Variants in GSN observed in about 807,000 individuals in gnomAD.
GSN encodes the protein actin-depolymerizing factor.
GSN carries 56 observed loss-of-function variants against 85.7 expected under a neutral mutation model. That is an observed-to-expected ratio of 0.65 (90% CI 0.53 to 0.82). The LOEUF is 0.82. Ranked by LOEUF, GSN falls within the 40% of genes least tolerant of loss-of-function variation. The pLI is 0.00. For missense variants in GSN, 857 were observed against 979.8 expected, an observed-to-expected ratio of 0.87 and a Z score of 1.67; for synonymous variants, 373 against 399.1, an observed-to-expected ratio of 0.93 and a Z score of 0.78.
chr9:121,312,551 C>A, intron 6 of GSN, 63 bp downstream of exon 6: 1 of 1,345,584 alleles, frequency 7.4e-7, no homozygotes, highest in Non-Finnish European at 1.0e-6. Flanking sequence ...TTCTTCTGTT[C>A]AGTAGGCAAT....
chr9:121,318,774 A>T lies in GSN; in HGVS notation c.1085A>T (p.His362Leu), dbSNP rs1032894158. Residue 362 changes from histidine to leucine, a missense_variant, in exon 10 of 18, where the codon CAT becomes CTT. Coordinates refer to ENST00000432226, the MANE Select transcript of GSN (RefSeq NM_198252.3). The surrounding 1 kb of genome is among the most constrained non-coding windows in gnomAD (Gnocchi z 4.3). ...DGLGLSYLSS[H>L]IANVERVPFD... is the part of the protein sequence containing the mutation. Reference sequence around the variant, plus strand: ...CTGGGCTTGTCCTACCTTTCCAGCCATATCGCCAACGTGGAGCGGGTGCCC... The same window carrying T: ...CTGGGCTTGTCCTACCTTTCCAGCCTTATCGCCAACGTGGAGCGGGTGCCC... 4.3e-6 allele frequency: 7 copies of T among 1,614,022 alleles called. No individual in the cohort carries two copies. Among genetic ancestry groups the T allele is most frequent in the Non-Finnish European group, 5.9e-6 (7 of 1,180,020 alleles).
At position 121,325,114 on chromosome 9, in the gene GSN, T is replaced by G. The variant is rs57974667; in HGVS notation, c.1416+470T>G. On this transcript the variant is annotated intron_variant, in intron 12 of 17. Transcript: ENST00000432226. ...TGCCTCTGTGTCCTCAAAATAGGGG[T>G]AATAACAGTACCATCCCACAAGATT... Among the ~76,000 whole-genome samples, 509 of 152,274 alleles carry G rather than the reference T, an allele frequency of 3.3e-3. 2 individuals are homozygous for G. The highest frequency in any genetic ancestry group is 0.012 in the African/African-American group (493 of 41,542).
chr9:121,286,561 GCT>G (rs1235881347), intron 2 of GSN: 1 of 1,447,468 alleles, frequency 6.9e-7, no homozygotes, highest in Non-Finnish European at 9.1e-7. Flanking sequence ...CTCCTCCGTG[GCT>G]CTGTTGGGCC....
At chr9:121,283,890 G>A (rs184873982) in intron 2 of GSN, 1 of 167,328 alleles carries the variant, frequency 6.0e-6, no homozygotes, top group East Asian at 1.9e-4. Context: ...GAGTGGTGAG[G>A]TCTTATCTGG....
At chr9:121,292,809 T>C (rs112829752) in intron 2 of GSN, among the ~76,000 whole-genome samples, 1,613 of 152,274 alleles carry the variant, frequency 0.011, 30 homozygotes, top group African/African-American at 0.037. Context: ...TCCCATTGTC[T>C]TTTCCCTCTT....
Position 121,299,705 on chromosome 9 carries a change from G to C in GSN, c.-9-2258G>C. The C allele has an allele frequency of 1.2e-5, 11 of 940,236 alleles. No homozygotes were observed. Among genetic ancestry groups the C allele is most frequent in the South Asian group, 4.7e-5 (1 of 21,284 alleles). 58.2% of individuals were successfully genotyped at this position (940,236 alleles called of 1,614,324 possible). On this transcript the variant is annotated intron_variant, in intron 2 of 17. Coordinates refer to ENST00000432226, the MANE Select transcript of GSN (RefSeq NM_198252.3). This position sits in a 1 kb window ranked among gnomAD's most constrained non-coding sequence, Gnocchi z 4.2. Reference sequence around the variant, plus strand: ...GCCGCGCCCTGTCGGGTCGATCCGGGTGGGAACCCAGATGTCTCCAAGATC... The same window carrying C: ...GCCGCGCCCTGTCGGGTCGATCCGGCTGGGAACCCAGATGTCTCCAAGATC...
At chr9:121,262,354 T>G (rs2055105711) in intron 6 of GSN, among the ~76,000 whole-genome samples, 1 of 152,262 alleles carries the variant, frequency 6.6e-6, no homozygotes, top group Admixed American at 6.5e-5. Flanking sequence ...TTGAGCCTAT[T>G]TATTTTATTT....
At chr9:121,277,062 T>C (rs1158747834) in intron 1 of GSN, among the ~76,000 whole-genome samples, 1 of 152,042 alleles carries the variant, frequency 6.6e-6, no homozygotes, top group Non-Finnish European at 1.5e-5. Context: ...CTCCATAATA[T>C]GGGGAATACA....
At chr9:121,308,219 G>T (rs2060636958) in intron 4 of GSN, among the ~76,000 whole-genome samples, 1 of 152,228 alleles carries the variant, frequency 6.6e-6, no homozygotes, top group Non-Finnish European at 1.5e-5. Flanking sequence ...TGGCCGCCCT[G>T]CTAGTCCCAA....
At chr9:121,225,205 T>C (rs2054250711) in intron 4 of GSN, among the ~76,000 whole-genome samples, 1 of 152,166 alleles carries the variant, frequency 6.6e-6, no homozygotes, top group Non-Finnish European at 1.5e-5. Flanking sequence ...AAATCATAAA[T>C]GAAAGTTTTA....
At chr9:121,317,297 T>C in intron 8 of GSN, 79 bp downstream of exon 8, 1 of 1,485,562 alleles carries the variant, frequency 6.7e-7, no homozygotes, top group Non-Finnish European at 9.4e-7. Context: ...GGAACTCAGC[T>C]CCCGGGGAGT....
At chr9:121,220,243 A>G (rs901291116) in intron 4 of GSN, among the ~76,000 whole-genome samples, 1 of 151,918 alleles carries the variant, frequency 6.6e-6, no homozygotes, top group African/African-American at 2.4e-5. Flanking sequence ...AACTTTCACT[A>G]TTTTCTGATT....
At chr9:121,274,431 CT>C (rs1236203984) in intron 1 of GSN, among the ~76,000 whole-genome samples, 6 of 152,032 alleles carry the variant, frequency 3.9e-5, no homozygotes, top group South Asian at 4.1e-4. Flanking sequence ...GTGTGTTCTT[CT>C]TTTATTATTT....
At chr9:121,282,222 C>A in intron 2 of GSN, 1 of 570,258 alleles carries the variant, frequency 1.8e-6, no homozygotes, top group Non-Finnish European at 3.2e-6. Context: ...AGGATGGGTG[C>A]CTTGGTCTCC....
intron 2 of GSN, among the ~76,000 whole-genome samples, chr9:121,210,000 A>T (rs1218005469): frequency 1.3e-5 from 2 of 152,218 alleles, no homozygotes; most frequent in Non-Finnish European, 2.9e-5. Flanking sequence ...ACGCACGCAT[A>T]CATGCACAAT....
In GSN at chr9:121,213,464, T is replaced by C. The variant is rs558405373; in HGVS notation, c.-528+2597T>C. 1.4e-3 allele frequency among the ~76,000 whole-genome samples: 211 copies of C among 152,352 alleles called. 1 individual carries two copies. Among genetic ancestry groups the C allele is most frequent in the African/African-American group, 4.9e-3 (202 of 41,586 alleles). ...CCCAGCCTGTGGCTACTGCTCCCAT[T>C]TGTGTTGCTCAGGCACACCTGGTTT... On this transcript the variant is annotated intron_variant, in intron 4 of 24. Coordinates refer to the GSN transcript ENST00000373823.
intron 4 of GSN, among the ~76,000 whole-genome samples, chr9:121,215,103 T>C (rs1325133854): frequency 6.6e-6 from 1 of 152,086 alleles, no homozygotes; most frequent in East Asian, 1.9e-4. Flanking sequence ...TGTTCTTGGA[T>C]TCTGGCTGCA....
intron 2 of GSN, 48 bp from the exon 3 acceptor site, chr9:121,301,915 C>G: frequency 6.2e-7 from 1 of 1,613,156 alleles, no homozygotes; most frequent in South Asian, 1.1e-5. Context: ...TGGGGTCTCT[C>G]CCTGCCAGGA....
intron 5 of GSN, among the ~76,000 whole-genome samples, chr9:121,236,681 A>G (rs2054500189): frequency 6.6e-6 from 1 of 152,236 alleles, no homozygotes. Flanking sequence ...AACAAAGAAC[A>G]GAGAGACCAA....
Sources: gnomAD v4.1 joint callset for allele counts (sites outside exome capture counted in the v4.1 genomes callset) on GRCh38, gnomAD v4.1.1 for gene constraint, Gnocchi (gnomAD v3.1) non-coding constraint, MANE v1.5 for transcripts, NCBI Gene and HGNC (gene_info 2026-07-23, HGNC 2026-07-21) for gene names.